The following ACVR1 variants were observed in gnomAD, a reference collection of about 807,000 sequenced individuals.
ACVR1 encodes activin A receptor type 1.
A neutral mutation model predicts 57.1 loss-of-function variants in ACVR1; 38 were observed. The observed-to-expected ratio is 0.67, with a 90% confidence interval of 0.51 to 0.87. ACVR1 has a LOEUF of 0.87. ACVR1 is among the 40% of genes least tolerant of loss of function. ACVR1 has a pLI of 0.00. For synonymous variants in ACVR1, 212 were observed against 228.1 expected (o/e 0.93, Z 0.63); for missense variants, 463 against 638.2 (o/e 0.73, Z 2.96).
At chr2:157,746,462 T>C (rs1684969186) in intron 9 of ACVR1, among the ~76,000 whole-genome samples, 1 of 152,230 alleles carries the variant, frequency 6.6e-6, no homozygotes, top group African/African-American at 2.4e-5. Context: ...GAGTGCACTC[T>C]TCACACAGAC....
chr2:157,745,111 G>A (rs1189754118), intron 9 of ACVR1, among the ~76,000 whole-genome samples: 1 of 152,102 alleles, frequency 6.6e-6, no homozygotes, highest in East Asian at 1.9e-4. Flanking sequence ...TTCTATTGTT[G>A]GAATTCTCAT....
intron 9 of ACVR1, among the ~76,000 whole-genome samples, chr2:157,748,682 G>C (rs1194129284): frequency 6.6e-6 from 1 of 151,556 alleles, no homozygotes; most frequent in Non-Finnish European, 1.5e-5. Context: ...ATCCATGTAT[G>C]TTTAATCTGA....
At chr2:157,825,465 G>A (rs530390627) in intron 1 of ACVR1, among the ~76,000 whole-genome samples, 7 of 152,192 alleles carry the variant, frequency 4.6e-5, no homozygotes, top group African/African-American at 1.7e-4. Context: ...TTAGGAACCC[G>A]GCCGCACAGC....
chr2:157,752,280 C>T (rs1231802234), intron 9 of ACVR1, among the ~76,000 whole-genome samples: 5 of 152,154 alleles, frequency 3.3e-5, no homozygotes, highest in Non-Finnish European at 5.9e-5. Flanking sequence ...ATAAAGAGAG[C>T]ACCCTGTGGG....
At chr2:157,805,733 C>T (rs1185418409) in intron 2 of ACVR1, among the ~76,000 whole-genome samples, 1 of 151,966 alleles carries the variant, frequency 6.6e-6, no homozygotes, top group African/African-American at 2.4e-5. Flanking sequence ...TTTCACTTAA[C>T]TAGCTAGCCA....
At position 157,737,619 on chromosome 2, in the gene ACVR1, T is replaced by C; in HGVS notation, c.1442A>G (p.Asn481Ser). ...AKLMKECWYQ[N>S]PSARLTALRI... ...CAGTGCTGTGAGTCTTGCGGATGGATTTTGATACCAGCATTCTTTCATTAG... is the reference window on the plus strand; with the variant it reads ...CAGTGCTGTGAGTCTTGCGGATGGACTTTGATACCAGCATTCTTTCATTAG... The change falls in exon 11 of 11, where the codon AAT (asparagine) becomes AGT (serine). Residue 481 changes from asparagine (N) to serine (S), a missense_variant. By Grantham distance (46) the Asn-to-Ser change is conservative. Transcript: ENST00000434821. 1 of 1,614,134 alleles carries C rather than the reference T, an allele frequency of 6.2e-7. No individual in the cohort carries two copies. Among genetic ancestry groups the C allele is most frequent in the Non-Finnish European group, 8.5e-7 (1 of 1,179,984 alleles).
At chr2:157,809,174 C>A (rs1294891046) in intron 2 of ACVR1, among the ~76,000 whole-genome samples, 1 of 152,106 alleles carries the variant, frequency 6.6e-6, no homozygotes, top group Non-Finnish European at 1.5e-5. Context: ...TTCTCCAAGT[C>A]ACACATTAAA....
At chr2:157,808,572 T>G (rs1687640986) in intron 2 of ACVR1, among the ~76,000 whole-genome samples, 1 of 152,188 alleles carries the variant, frequency 6.6e-6, no homozygotes, top group Admixed American at 6.5e-5. Flanking sequence ...AACTCCCTGG[T>G]GGACAATATC....
intron 1 of ACVR1, among the ~76,000 whole-genome samples, chr2:157,830,909 C>T (rs762875046): frequency 1.3e-5 from 2 of 152,156 alleles, no homozygotes; most frequent in Non-Finnish European, 2.9e-5. Flanking sequence ...TGTTCTTCCT[C>T]TCACCATGAC....
intron 2 of ACVR1, among the ~76,000 whole-genome samples, chr2:157,799,728 A>G (rs549461679): frequency 6.6e-6 from 1 of 152,332 alleles, no homozygotes; most frequent in African/African-American, 2.4e-5. Flanking sequence ...CACTCCAAGG[A>G]TAGTTTCTAA....
intron 1 of ACVR1, among the ~76,000 whole-genome samples, chr2:157,848,800 G>A (rs1019133123): frequency 6.6e-6 from 1 of 152,128 alleles, no homozygotes; most frequent in Admixed American, 6.5e-5. Context: ...AGCAGTTGAT[G>A]GTTGAAAGTC....
chr2:157,817,695 G>A (rs1687990347), intron 2 of ACVR1, among the ~76,000 whole-genome samples: 1 of 151,994 alleles, frequency 6.6e-6, no homozygotes, highest in South Asian at 2.1e-4. Flanking sequence ...AAGAAATAAG[G>A]TCTATTTTAA....
chr2:157,768,551 G>A lies in ACVR1; in HGVS notation c.790+1817C>T, dbSNP rs190339603. On this transcript the variant is annotated intron_variant, in intron 7 of 10. Transcript: ENST00000434821. ...TTCACTAAGCCCCTTAGGTCTTAGG[G>A]AAGAAGTTTATCTGTCCCATTAATT... is the stretch of plus-strand genomic sequence containing the variant. 4.6e-5 allele frequency among the ~76,000 whole-genome samples: 7 copies of A among 152,290 alleles called. No homozygotes were observed. The East Asian group carries it at 1.3e-3, about 29-fold the overall frequency.
At position 157,766,162 on chromosome 2, in the gene ACVR1, G is replaced by T. The variant is rs1305883207; in HGVS notation, c.825C>A (p.Ser275=). Residue 275 remains serine, a synonymous_variant, in exon 8 of 11, where the codon TCC becomes TCA. Transcript: ENST00000434821. Reference sequence around the variant, plus strand: ...GTGTAATTAACCACAGCTGGGTACTGGAGTGTCTTGATGTCATGTCTGAAG... The same window carrying T: ...GTGTAATTAACCACAGCTGGGTACTTGAGTGTCTTGATGTCATGTCTGAAG... ...FIASDMTSRH[S]STQLWLITHY... The T allele has an allele frequency of 1.2e-6, 2 of 1,613,966 alleles. No homozygotes were observed. Among genetic ancestry groups the T allele is most frequent in the African/African-American group, 2.7e-5 (2 of 74,906 alleles).
chr2:157,792,770 T>C (rs923101885), intron 3 of ACVR1, among the ~76,000 whole-genome samples: 4 of 152,212 alleles, frequency 2.6e-5, no homozygotes, highest in African/African-American at 9.6e-5. Flanking sequence ...GAGTAATTAC[T>C]GTTTCATGAA....
chr2:157,847,944 T>C (rs1689173493), intron 1 of ACVR1, among the ~76,000 whole-genome samples: 3 of 152,068 alleles, frequency 2.0e-5, no homozygotes. Context: ...CCCCATTCTA[T>C]AAAATACCAG....
At chr2:157,837,444 T>C (rs1688821396) in intron 1 of ACVR1, among the ~76,000 whole-genome samples, 1 of 152,180 alleles carries the variant, frequency 6.6e-6, no homozygotes, top group Admixed American at 6.5e-5. Context: ...AAGGCAAGCC[T>C]TTACCATTTT....
At chr2:157,783,342 G>T (rs963488924) in intron 3 of ACVR1, among the ~76,000 whole-genome samples, 2 of 152,220 alleles carry the variant, frequency 1.3e-5, no homozygotes, top group African/African-American at 4.8e-5. Context: ...GAGCCTGGCA[G>T]ACGTTTGGAC....
intron 2 of ACVR1, among the ~76,000 whole-genome samples, chr2:157,805,372 A>C (rs1210137603): frequency 6.6e-6 from 1 of 152,228 alleles, no homozygotes; most frequent in African/African-American, 2.4e-5. Flanking sequence ...AGAATCTTGG[A>C]AGACAGGTCA....
Sources: allele counts gnomAD v4.1 joint callset (sites outside exome capture counted in the v4.1 genomes callset), GRCh38; gene constraint gnomAD v4.1.1; transcripts MANE v1.5; gene names NCBI Gene and HGNC (gene_info 2026-07-23, HGNC 2026-07-21).